The following HTR4 variants were observed in gnomAD, a reference collection of about 807,000 sequenced individuals.
The protein encoded by HTR4 is 5-hydroxytryptamine receptor 4, also known as 5-hydroxytryptamine (serotonin) receptor 4, G protein-coupled.
HTR4 carries 16 observed loss-of-function variants against 36.8 expected under a neutral mutation model. The observed-to-expected ratio is 0.43, with a 90% CI of 0.29 to 0.66. The LOEUF (loss-of-function observed/expected upper bound fraction) is 0.66, where lower values mean the gene tolerates loss of function less well. HTR4 is among the 30% of genes least tolerant of loss of function. HTR4 has a pLI of 0.13. For missense variants in HTR4, 438 were observed against 490.9 expected (o/e 0.89, Z 1.02); for synonymous variants, 189 against 185.1 (o/e 1.02, Z -0.17).
rs80036684 is a variant in HTR4 at position 148,551,032 on chromosome 5, CT to C, written c.27-771del. Among the ~76,000 whole-genome samples the C allele has an allele frequency of 7.9e-3, 1,168 of 147,008 alleles. 40 individuals are homozygous for C. The highest frequency in any genetic ancestry group is 0.061 in the Admixed American group (905 of 14,758). ...CTTGCCGATCAACTTACAATGAAGCCTTTTTTTTTTTCCTCAAAAGCCAGGG... is the reference window on the plus strand; with the variant it reads ...CTTGCCGATCAACTTACAATGAAGCCTTTTTTTTTTCCTCAAAAGCCAGGG... On this transcript the variant is annotated intron_variant, in intron 2 of 6. Transcript: ENST00000377888.
At chr5:148,467,016 G>A (rs1319255250) in intron 5 of HTR4, among the ~76,000 whole-genome samples, 2 of 152,076 alleles carry the variant, frequency 1.3e-5, no homozygotes, top group Non-Finnish European at 2.9e-5. Flanking sequence ...TTTTCAATGG[G>A]CTCTAGATAA....
chr5:148,546,401 C>T (rs1581455859), intron 4 of HTR4, among the ~76,000 whole-genome samples: 2 of 152,300 alleles, frequency 1.3e-5, no homozygotes, highest in East Asian at 3.9e-4. Context: ...CAGAACTAAA[C>T]ATTTTAAAAG....
At chr5:148,516,312 C>CTTTTTTTTTTTTTTTTT (rs954784476) in intron 5 of HTR4, among the ~76,000 whole-genome samples, 1 of 76,476 alleles carries the variant, frequency 1.3e-5, no homozygotes, top group Non-Finnish European at 2.4e-5. Context: ...ATTCCCCCCT[C>CTTTTTTTTTTTTTTTTT]TTTTTTTTTT....
At position 148,482,494 on chromosome 5, in the gene HTR4, T is replaced by C; in HGVS notation, c.*709A>G. ...AGTTGCTGTGGAGACCATTTTCCTC[T>C]GACAGATCTCTGACCCTGTGTCTTC... On this transcript the variant is annotated 3_prime_UTR_variant, in exon 7 of 7. Coordinates refer to ENST00000377888, the MANE Select transcript of HTR4 (RefSeq NM_000870.7). 1 of 985,578 alleles carries C rather than the reference T, an allele frequency of 1.0e-6. No homozygotes were observed. The highest frequency in any genetic ancestry group is 1.7e-5 in the African/African-American group (1 of 57,346). The allele number at this position is 985,578 out of a possible 1,614,324, so 61.1% of individuals were successfully genotyped here. A position where few individuals can be genotyped will look rare whatever the true frequency, so the allele number is the denominator to read the frequency against.
intron 6 of HTR4, chr5:148,490,575 A>T (rs190767212): frequency 1.7e-5 from 19 of 1,127,632 alleles, no homozygotes; most frequent in Non-Finnish European, 2.1e-5. Context: ...AAAGGGGCTG[A>T]GAACGTGTTA....
chr5:148,553,366 G>C (rs1759789603), intron 2 of HTR4, among the ~76,000 whole-genome samples: 1 of 152,180 alleles, frequency 6.6e-6, no homozygotes, highest in Non-Finnish European at 1.5e-5. Flanking sequence ...TTAAGCAGTG[G>C]TTCCCAGCCT....
intron 1 of HTR4, chr5:148,645,219 T>A (rs1753846326): frequency 1.3e-5 from 2 of 152,200 alleles, no homozygotes; most frequent in South Asian, 4.1e-4. Flanking sequence ...CACTTTTTTC[T>A]GTAAATGGCT....
chr5:148,612,891 A>G (rs1479541825), intron 2 of HTR4, among the ~76,000 whole-genome samples: 1 of 149,864 alleles, frequency 6.7e-6, no homozygotes, highest in African/African-American at 2.5e-5. Context: ...ATCAGAGAAT[A>G]CTACAAACAC....
intron 2 of HTR4, among the ~76,000 whole-genome samples, chr5:148,588,275 C>T (rs547917030): frequency 6.6e-6 from 1 of 152,282 alleles, no homozygotes; most frequent in African/African-American, 2.4e-5. Flanking sequence ...AAAACAATTT[C>T]TAATTCTGAA....
chr5:148,535,595 G>A (rs1758775289), intron 4 of HTR4, among the ~76,000 whole-genome samples: 1 of 152,142 alleles, frequency 6.6e-6, no homozygotes, highest in Admixed American at 6.6e-5. Flanking sequence ...AATGCATTCA[G>A]AAATTTAACA....
chr5:148,512,071 G>A (rs1757525255), intron 5 of HTR4, among the ~76,000 whole-genome samples: 1 of 152,112 alleles, frequency 6.6e-6, no homozygotes, highest in South Asian at 2.1e-4. Flanking sequence ...TTAGCACTCT[G>A]GTTCCTTCAA....
chr5:148,604,509 G>A lies in HTR4; in HGVS notation c.26+32480C>T, dbSNP rs1357077571. ...TAAGCAAACCTGCTACTAACTCAAT[G>A]TACAGTAGAAATGGGTACACATATG... On this transcript the variant is annotated intron_variant, in intron 2 of 6. Transcript: ENST00000377888. Among the ~76,000 whole-genome samples, 263 of 152,120 alleles carry A rather than the reference G, an allele frequency of 1.7e-3. 5 individuals carry two copies. The highest frequency in any genetic ancestry group is 1.5e-4 in the Non-Finnish European group (10 of 68,024).
At chr5:148,595,855 G>T (rs888300285) in intron 2 of HTR4, among the ~76,000 whole-genome samples, 1 of 152,128 alleles carries the variant, frequency 6.6e-6, no homozygotes, top group African/African-American at 2.4e-5. Context: ...ATTTTGGGCC[G>T]CATGAGGAGT....
intron 5 of HTR4, among the ~76,000 whole-genome samples, chr5:148,452,334 C>T (rs1161766440): frequency 6.6e-6 from 1 of 152,196 alleles, no homozygotes; most frequent in Non-Finnish European, 1.5e-5. Context: ...CCCACTCTAG[C>T]TCATGCCAAT....
chr5:148,605,455 A>C (rs1362585000), intron 2 of HTR4, among the ~76,000 whole-genome samples: 2 of 150,338 alleles, frequency 1.3e-5, no homozygotes, highest in African/African-American at 4.9e-5. Context: ...ATGGGGTTTC[A>C]CCATGTTGGC....
At chr5:148,526,895 T>C (rs1758303961) in intron 4 of HTR4, among the ~76,000 whole-genome samples, 2 of 151,922 alleles carry the variant, frequency 1.3e-5, no homozygotes, top group South Asian at 4.2e-4. Flanking sequence ...AGGGGGAGTA[T>C]GAAGAGGGGT....
At chr5:148,605,068 C>G (rs1752091518) in intron 2 of HTR4, among the ~76,000 whole-genome samples, 1 of 152,070 alleles carries the variant, frequency 6.6e-6, no homozygotes, top group African/African-American at 2.4e-5. Context: ...AGTATAGGAA[C>G]TGACTGCTAT....
chr5:148,595,546 T>G (rs1057326256), intron 2 of HTR4, among the ~76,000 whole-genome samples: 10 of 152,020 alleles, frequency 6.6e-5, no homozygotes, highest in Non-Finnish European at 4.4e-5. Context: ...GAGAAGGGTG[T>G]GCAAAGATCC....
chr5:148,474,209 C>T (rs963955013), downstream of HTR4, among the ~76,000 whole-genome samples: 6 of 152,136 alleles, frequency 3.9e-5, no homozygotes, highest in Non-Finnish European at 5.9e-5. Flanking sequence ...AGTTACAGAA[C>T]CCTGGCTTGG....
Sources: allele counts gnomAD v4.1 joint callset (sites outside exome capture counted in the v4.1 genomes callset), GRCh38; gene constraint gnomAD v4.1.1; transcripts MANE v1.5; gene names NCBI Gene and HGNC (gene_info 2026-07-23, HGNC 2026-07-21).